Variants in LDHC observed in about 807,000 individuals in gnomAD.
The protein encoded by LDHC is L-lactate dehydrogenase C chain.
In LDHC, 20 loss-of-function variants were observed where a neutral mutation model predicts 30.2. That is an observed-to-expected ratio of 0.66 (90% CI 0.47 to 0.96). LDHC has a LOEUF of 0.96. Among genes scored for constraint, LDHC ranks in the 40% least tolerant of loss-of-function variants. LDHC has a pLI of 0.00. For synonymous variants in LDHC, 139 were observed against 132.7 expected, an observed-to-expected ratio of 1.05 and a Z score of -0.32; for missense variants, 362 against 394.9, an observed-to-expected ratio of 0.92 and a Z score of 0.71.
At chr11:18,433,765 A>C (rs1242169078) in intron 4 of LDHC, among the ~76,000 whole-genome samples, 2 of 152,196 alleles carry the variant, frequency 1.3e-5, no homozygotes, top group African/African-American at 4.8e-5. Flanking sequence ...TAACCTGATG[A>C]CAGTGTGCTA....
intron 4 of LDHC, among the ~76,000 whole-genome samples, chr11:18,431,532 TTTTTGTTTTG>T (rs779149240): frequency 2.0e-5 from 3 of 152,044 alleles, no homozygotes; most frequent in East Asian, 1.9e-4. Context: ...ATTGTGTGTG[TTTTTGTTTTG>T]TTTTGTTTTG....
intron 6 of LDHC, among the ~76,000 whole-genome samples, chr11:18,445,732 A>G (rs945490849): frequency 1.3e-5 from 2 of 152,204 alleles, no homozygotes; most frequent in African/African-American, 4.8e-5. Context: ...GCACTCCAGG[A>G]AACTGAGGCG....
chr11:18,417,013 A>G (rs1867034521), intron 3 of LDHC, among the ~76,000 whole-genome samples: 1 of 152,128 alleles, frequency 6.6e-6, no homozygotes, highest in Non-Finnish European at 1.5e-5. Context: ...CCTCCCAAGT[A>G]GCTGGGACTA....
chr11:18,424,877 A>G (rs1848133671), intron 3 of LDHC, among the ~76,000 whole-genome samples: 1 of 151,996 alleles, frequency 6.6e-6, no homozygotes, highest in Non-Finnish European at 1.5e-5. Flanking sequence ...GTGTGGTGGC[A>G]CGTGCCTGTA....
chr11:18,427,224 T>G (rs1260220288), intron 3 of LDHC, among the ~76,000 whole-genome samples: 1 of 151,814 alleles, frequency 6.6e-6, no homozygotes, highest in African/African-American at 2.4e-5. Flanking sequence ...GGCATGGTGG[T>G]GGGCTCCTGT....
intron 4 of LDHC, among the ~76,000 whole-genome samples, chr11:18,430,205 A>AT (rs1378179381): frequency 6.6e-6 from 1 of 151,870 alleles, no homozygotes; most frequent in Non-Finnish European, 1.5e-5. Context: ...GCTGAATGTA[A>AT]TTTTTTCTGC....
At chr11:18,442,516 G>A (rs1848483669) in intron 6 of LDHC, among the ~76,000 whole-genome samples, 1 of 152,132 alleles carries the variant, frequency 6.6e-6, no homozygotes, top group Non-Finnish European at 1.5e-5. Context: ...GACACAGTAG[G>A]TAAACAGAAT....
intron 3 of LDHC, among the ~76,000 whole-genome samples, chr11:18,418,615 C>T (rs542762605): frequency 1.3e-5 from 2 of 151,642 alleles, no homozygotes; most frequent in African/African-American, 2.4e-5. Flanking sequence ...TTAGTAGAGA[C>T]GGGGTTTCAC....
At position 18,412,777 on chromosome 11, in the gene LDHC, G is replaced by A. The variant is rs369553713; in HGVS notation, c.60G>A (p.Gln20=). Residue 20 remains glutamine (Q), a synonymous_variant, in exon 2 of 8, where the codon CAG becomes CAA. Coordinates refer to ENST00000541669, the MANE Select transcript of LDHC (RefSeq NM_017448.5). ...EKLIEDDENS[Q]CKITIVGTGA... is the part of the protein sequence containing the mutation. Reference sequence around the variant, plus strand: ...TAATTGAGGATGATGAAAACTCCCAGTGTAAAATTACTATTGTTGGAACTG... The same window carrying A: ...TAATTGAGGATGATGAAAACTCCCAATGTAAAATTACTATTGTTGGAACTG... The A allele has an allele frequency of 1.2e-5, 19 of 1,613,876 alleles. No individual in the cohort carries two copies. Among genetic ancestry groups the A allele is most frequent in the South Asian group, 5.5e-5 (5 of 91,074 alleles).
chr11:18,413,770 G>A (rs1340733503), intron 2 of LDHC, among the ~76,000 whole-genome samples: 2 of 152,126 alleles, frequency 1.3e-5, no homozygotes, highest in African/African-American at 4.8e-5. Flanking sequence ...CTTAAGTAGG[G>A]ACTTTTACTT....
intron 4 of LDHC, among the ~76,000 whole-genome samples, chr11:18,433,737 C>T (rs111734544): frequency 0.15 from 22,744 of 152,102 alleles, 1,886 homozygotes; most frequent in African/African-American, 0.22. Context: ...AGATTCTTTC[C>T]TTTGTCTTAA....
In LDHC at chr11:18,450,970, A is replaced by G. The variant is rs1461129170; in HGVS notation, c.842A>G (p.Tyr281Cys). ...TCTTATCTTGCCTTTCAGGGATTAT[A>G]TGGAATAAAAGAAGAACTCTTTCTC... ...HPVSTMVKGL[Y>C]GIKEELFLSI... Residue 281 changes from tyrosine to cysteine, a missense_variant, in exon 8 of 8, where the codon TAT becomes TGT. Physicochemically the swap from Tyr to Cys is radical, Grantham distance 194. Transcript: ENST00000541669. The G allele has an allele frequency of 6.3e-7, 1 of 1,585,080 alleles. No individual in the cohort carries two copies. Among genetic ancestry groups the G allele is most frequent in the Non-Finnish European group, 8.5e-7 (1 of 1,169,656 alleles).
At chr11:18,437,910 C>CA (rs529896800) in intron 5 of LDHC, among the ~76,000 whole-genome samples, 29 of 150,724 alleles carry the variant, frequency 1.9e-4, no homozygotes, top group Non-Finnish European at 7.4e-5. Flanking sequence ...ACTAAAAATA[C>CA]AAAAAAAAGC....
intron 4 of LDHC, among the ~76,000 whole-genome samples, chr11:18,431,185 T>C (rs113036885): frequency 0.15 from 22,654 of 151,104 alleles, 1,859 homozygotes; most frequent in African/African-American, 0.21. Flanking sequence ...AGGCCAGGCG[T>C]GGTGGCTCAC....
chr11:18,435,070 C>T (rs1168170811), intron 5 of LDHC, among the ~76,000 whole-genome samples, 157 bp downstream of exon 5: 3 of 152,104 alleles, frequency 2.0e-5, no homozygotes, highest in Non-Finnish European at 4.4e-5. Flanking sequence ...TAGTTTCAAT[C>T]TTTTGCATCA....
At chr11:18,413,828 G>A (rs982781281) in intron 2 of LDHC, among the ~76,000 whole-genome samples, 8 of 152,114 alleles carry the variant, frequency 5.3e-5, no homozygotes, top group Non-Finnish European at 1.5e-5. Flanking sequence ...AAATCTGAAT[G>A]AATACACTCC....
In LDHC at chr11:18,449,428, TAAAAAAAAAAAAA is replaced by T. The variant is rs557136321; in HGVS notation, c.835-1514_835-1502del. On this transcript the variant is annotated intron_variant, in intron 7 of 7. Transcript: ENST00000541669. ...GGTGACACAGCGAGACACTGTCTCC[TAAAAAAAAAAAAA>T]AAAAAAAAAAAAAAAAAAAAGAGGA... Among the ~76,000 whole-genome samples the T allele has an allele frequency of 2.6e-3, 125 of 48,454 alleles. 1 individual carries two copies. The East Asian group carries it at 0.047, about 18-fold the overall frequency. 31.8% of individuals were successfully genotyped at this position (48,454 alleles called of 152,430 possible).
At chr11:18,413,747 C>T (rs1332557749) in intron 2 of LDHC, among the ~76,000 whole-genome samples, 1 of 152,236 alleles carries the variant, frequency 6.6e-6, no homozygotes, top group Non-Finnish European at 1.5e-5. Context: ...AGGCATGAGC[C>T]ACCACGCCTG....
intron 4 of LDHC, among the ~76,000 whole-genome samples, chr11:18,433,947 T>C (rs1470555983): frequency 6.6e-6 from 1 of 152,218 alleles, no homozygotes; most frequent in East Asian, 1.9e-4. Context: ...CGATTATTCT[T>C]AGGTTTGGTT....
Sources: gnomAD v4.1 joint callset for allele counts (sites outside exome capture counted in the v4.1 genomes callset) on GRCh38, gnomAD v4.1.1 for gene constraint, MANE v1.5 for transcripts, NCBI Gene and HGNC (gene_info 2026-07-23, HGNC 2026-07-21) for gene names.